CACNA2D3: variants seen among roughly 807,000 people sequenced by gnomAD.
CACNA2D3 encodes the protein voltage-dependent calcium channel subunit alpha-2/delta-3.
A neutral mutation model predicts 160.6 loss-of-function variants in CACNA2D3; 60 were observed. The observed-to-expected ratio is 0.37, with a 90% CI of 0.30 to 0.46. The LOEUF is 0.46. Ranked by LOEUF, CACNA2D3 falls within the 20% of genes least tolerant of loss-of-function variation. The pLI, the probability that CACNA2D3 is intolerant of heterozygous loss-of-function variation, is 1.00. For synonymous variants in CACNA2D3, 558 were observed against 492.9 expected (o/e 1.13, Z -1.75); for missense variants, 1,205 against 1,365.0 (o/e 0.88, Z 1.85).
intron 35 of CACNA2D3, among the ~76,000 whole-genome samples, chr3:55,044,531 C>T (rs1027302909): frequency 1.1e-4 from 16 of 151,966 alleles, no homozygotes; most frequent in Admixed American, 3.9e-4. Flanking sequence ...CAGATTATAT[C>T]GTATGTGCAT....
intron 27 of CACNA2D3, chr3:54,927,975 A>T: frequency 6.6e-7 from 1 of 1,523,062 alleles, no homozygotes; most frequent in Admixed American, 1.7e-5. Flanking sequence ...GCAGAGCAAC[A>T]CACGAAGGGC....
chr3:54,877,870 G>C (rs531675573), intron 18 of CACNA2D3, among the ~76,000 whole-genome samples: 181 of 152,258 alleles, frequency 1.2e-3, no homozygotes, highest in Non-Finnish European at 2.2e-3. Flanking sequence ...CCATGTTAAA[G>C]ATAAATCGAG....
intron 11 of CACNA2D3, among the ~76,000 whole-genome samples, chr3:54,679,094 TG>T (rs1376391771): frequency 4.6e-5 from 7 of 152,200 alleles, no homozygotes; most frequent in Non-Finnish European, 1.0e-4. Flanking sequence ...GCCCCTCTCT[TG>T]CCCTTTAAGA....
chr3:54,918,770 G>A (rs755787433), intron 27 of CACNA2D3: 15 of 1,614,034 alleles, frequency 9.3e-6, no homozygotes, highest in African/African-American at 2.7e-5. Context: ...CACTGAGCCT[G>A]CGAGGACACT....
chr3:54,470,824 T>G (rs6766083), intron 4 of CACNA2D3, among the ~76,000 whole-genome samples: 2,315 of 152,270 alleles, frequency 0.015, 64 homozygotes, highest in African/African-American at 0.054. Context: ...ATAAGGGCAT[T>G]ACATAATGGT....
intron 4 of CACNA2D3, among the ~76,000 whole-genome samples, chr3:54,432,071 G>A (rs1415707958): frequency 2.0e-5 from 3 of 152,080 alleles, no homozygotes; most frequent in Non-Finnish European, 4.4e-5. Flanking sequence ...GGCTGTAATG[G>A]TGGAAAAAAT....
intron 3 of CACNA2D3, among the ~76,000 whole-genome samples, chr3:54,374,378 C>T (rs1370962127): frequency 6.6e-6 from 1 of 152,220 alleles, no homozygotes; most frequent in Non-Finnish European, 1.5e-5. Flanking sequence ...AAGAATCTGA[C>T]CTGGAGCCCT....
chr3:54,508,226 G>A (rs1286179479), intron 5 of CACNA2D3, among the ~76,000 whole-genome samples: 2 of 152,200 alleles, frequency 1.3e-5, no homozygotes, highest in African/African-American at 2.4e-5. Flanking sequence ...GGCTGTGGGA[G>A]CCATCAGGAG....
chr3:55,031,739 C>G (rs927276573), intron 35 of CACNA2D3, among the ~76,000 whole-genome samples: 1 of 152,026 alleles, frequency 6.6e-6, no homozygotes, highest in Non-Finnish European at 1.5e-5. Flanking sequence ...CGGCTAATGA[C>G]AAAGGTTCTT....
chr3:54,847,982 A>G (rs954664359), intron 17 of CACNA2D3, among the ~76,000 whole-genome samples: 2 of 152,238 alleles, frequency 1.3e-5, no homozygotes, highest in Non-Finnish European at 2.9e-5. Flanking sequence ...TTTCCTATTT[A>G]TCATTGCCTG....
At position 54,880,824 on chromosome 3, in the gene CACNA2D3, G is replaced by C. The variant is rs1699778678; in HGVS notation, c.1873G>C (p.Gly625Arg). 6.2e-7 allele frequency: 1 copy of C among 1,613,874 alleles called. No individual in the cohort carries two copies. ...SLGVALSRGH[G>R]KYFFRGNVTI... Reference sequence around the variant, plus strand: ...AGGTGTGGCGCTTTCCAGAGGTCATGGGAAATATTTCTTCCGAGGGAATGT... The same window carrying C: ...AGGTGTGGCGCTTTCCAGAGGTCATCGGAAATATTTCTTCCGAGGGAATGT... Residue 625 changes from glycine (G) to arginine (R), a missense_variant, in exon 21 of 38, where the codon GGG (glycine) becomes CGG (arginine). By Grantham distance (125) the Gly-to-Arg change is moderately radical. This residue lies in a region of CACNA2D3 where 911 missense variants were observed against 1,002.2 expected (regional missense o/e 0.91). Transcript: ENST00000474759.
chr3:54,859,569 C>T (rs1699240655), intron 17 of CACNA2D3, among the ~76,000 whole-genome samples: 1 of 152,184 alleles, frequency 6.6e-6, no homozygotes, highest in African/African-American at 2.4e-5. Flanking sequence ...CCCGTGCCTG[C>T]CCCAGTGGCC....
chr3:54,565,220 C>G (rs1702389757), intron 6 of CACNA2D3, among the ~76,000 whole-genome samples: 1 of 152,092 alleles, frequency 6.6e-6, no homozygotes, highest in Non-Finnish European at 1.5e-5. Flanking sequence ...GACTGCATCC[C>G]CAAAGGAGGG....
At chr3:54,478,638 AT>A (rs1460352876) in intron 4 of CACNA2D3, among the ~76,000 whole-genome samples, 1 of 110,442 alleles carries the variant, frequency 9.1e-6, no homozygotes, top group African/African-American at 4.0e-5. Flanking sequence ...TCTCAAAAAA[AT>A]ATATATATAA....
chr3:55,070,630 G>A (rs1469146276), intron 35 of CACNA2D3, among the ~76,000 whole-genome samples: 1 of 152,152 alleles, frequency 6.6e-6, no homozygotes, highest in Admixed American at 6.5e-5. Context: ...ACAATGTATA[G>A]GGCACAGGTG....
intron 2 of CACNA2D3, among the ~76,000 whole-genome samples, chr3:54,169,658 TGTGC>T (rs745642554): frequency 2.0e-5 from 3 of 150,440 alleles, no homozygotes; most frequent in African/African-American, 4.8e-5. Context: ...CGTGCATGTG[TGTGC>T]GTGCGTGCTT....
intron 29 of CACNA2D3, among the ~76,000 whole-genome samples, chr3:54,982,029 G>T (rs936564644): frequency 6.6e-6 from 1 of 152,202 alleles, no homozygotes; most frequent in East Asian, 1.9e-4. Context: ...GTGGCCACTT[G>T]TCGGTAGTGA....
intron 27 of CACNA2D3, among the ~76,000 whole-genome samples, chr3:54,917,045 T>C (rs1400382474): frequency 1.3e-5 from 2 of 152,200 alleles, no homozygotes; most frequent in African/African-American, 4.8e-5. Context: ...AACTTCTCTG[T>C]CCTCTCTTCT....
chr3:54,133,118 T>G (rs1699748418), intron 2 of CACNA2D3, among the ~76,000 whole-genome samples: 2 of 152,176 alleles, frequency 1.3e-5, no homozygotes, highest in Admixed American at 6.5e-5. Context: ...TTTTGAGACC[T>G]CCATCAAAGT....
Sources: gnomAD v4.1 joint callset for allele counts (sites outside exome capture counted in the v4.1 genomes callset) on GRCh38, gnomAD v4.1.1 for gene constraint, gnomAD v4.1.1 regional missense constraint, MANE v1.5 for transcripts, NCBI Gene and HGNC (gene_info 2026-07-23, HGNC 2026-07-21) for gene names.